The following NEB variants were observed in gnomAD, a reference collection of about 807,000 sequenced individuals.
The protein encoded by NEB is nebulin.
Under a neutral mutation model 952.2 loss-of-function variants are expected in NEB, and 512 were observed. The observed-to-expected ratio is 0.54, with a 90% confidence interval of 0.50 to 0.58. The LOEUF (loss-of-function observed/expected upper bound fraction) is 0.58, where lower values mean the gene tolerates loss of function less well. NEB is among the 20% of genes least tolerant of loss of function. NEB has a pLI of 0.00. For synonymous variants in NEB, 2,900 were observed against 3,149.8 expected (o/e 0.92, Z 2.66); for missense variants, 8,428 against 9,231.1 (o/e 0.91, Z 3.56).
intron 142 of NEB, among the ~76,000 whole-genome samples, chr2:151,534,582 A>G (rs141716857): frequency 6.6e-6 from 1 of 152,340 alleles, no homozygotes; most frequent in Non-Finnish European, 1.5e-5. Context: ...TTTGCATATG[A>G]TGCCATTAAC....
intron 95 of NEB, among the ~76,000 whole-genome samples, chr2:151,591,719 T>C (rs7592236): frequency 0.027 from 4,014 of 150,708 alleles, 3 homozygotes; most frequent in African/African-American, 0.093. Context: ...AAAAACATAT[T>C]GCTTGGCTTT....
chr2:151,501,293 G>T, intron 168 of NEB, 98 bp downstream of exon 168: 1 of 803,550 alleles, frequency 1.2e-6, no homozygotes, highest in East Asian at 2.8e-5. Context: ...AAAAGATTTT[G>T]TTAAATTGAT....
In NEB at chr2:151,527,463, G is replaced by A; in HGVS notation, c.21840+18C>T. On this transcript the variant is annotated intron_variant, in intron 147 of 181. Transcript: ENST00000397345. The stretch of plus-strand genomic sequence containing the variant: ...GTGCAGTATGCAGTTACAATCGTCT[G>A]TGTCTCTCCTGTCTTACATCGCTTT... 1 of 1,580,740 alleles carries A rather than the reference G, an allele frequency of 6.3e-7. No individual in the cohort carries two copies. The highest frequency in any genetic ancestry group is 8.7e-7 in the Non-Finnish European group (1 of 1,153,000).
At chr2:151,721,357 A>G (rs960092359) in intron 9 of NEB, among the ~76,000 whole-genome samples, 2 of 152,118 alleles carry the variant, frequency 1.3e-5, no homozygotes, top group Admixed American at 1.3e-4. Context: ...TGCTGCCGGC[A>G]TTCTCACAAG....
At chr2:151,496,561 A>C (rs1363335063) in intron 172 of NEB, among the ~76,000 whole-genome samples, 193 bp from the exon 173 acceptor site, 2 of 152,188 alleles carry the variant, frequency 1.3e-5, no homozygotes, top group African/African-American at 4.8e-5. Flanking sequence ...CACCCTCTAG[A>C]GAAGCAGGGA....
chr2:151,699,068 T>A (rs1232089128), intron 13 of NEB, among the ~76,000 whole-genome samples: 29 of 143,486 alleles, frequency 2.0e-4, no homozygotes, highest in African/African-American at 6.8e-4. Flanking sequence ...TGTGTCCATG[T>A]GATCTCATTG....
At chr2:151,611,156 A>G (rs1395566492) in intron 78 of NEB, among the ~76,000 whole-genome samples, 2 of 152,186 alleles carry the variant, frequency 1.3e-5, no homozygotes, top group Non-Finnish European at 2.9e-5. Context: ...CAGATATCCA[A>G]AGATGGATCT....
chr2:151,492,055 C>G, intron 178 of NEB, 43 bp downstream of exon 178: 1 of 1,584,538 alleles, frequency 6.3e-7, no homozygotes. Flanking sequence ...CTTCTACCCC[C>G]TCACTTAAAG....
intron 131 of NEB, 150 bp downstream of exon 131, chr2:151,548,158 T>C (rs1490023733): frequency 5.9e-6 from 4 of 679,274 alleles, no homozygotes; most frequent in Non-Finnish European, 1.0e-5. Context: ...CCAAGAAATA[T>C]CAGTATCAAA....
rs184262608 is a variant in NEB, at chr2:151,659,071, C to T, written c.6069G>A (p.Met2023Ile). 13,185 of 1,596,242 alleles carry T rather than the reference C, an allele frequency of 8.3e-3. 74 individuals carry two copies. The highest frequency in any genetic ancestry group is 0.01 in the Non-Finnish European group (11,673 of 1,163,858). Residue 2023 changes from methionine (M) to isoleucine (I), a missense_variant, in exon 47 of 182, where the codon ATG becomes ATA. Transcript: ENST00000397345. The part of the protein sequence containing the change: ...IILAKANAIN[M>I]SDKLYKLSLE... ...CAGGGGGAACTATACTTACATCACT[C>T]ATATTAATTGCATTTGCCTTTGCCA...
intron 124 of NEB, among the ~76,000 whole-genome samples, chr2:151,559,761 AG>A (rs2095900827): frequency 6.6e-6 from 1 of 152,136 alleles, no homozygotes; most frequent in African/African-American, 2.4e-5. Flanking sequence ...GGACACAGGG[AG>A]GGGAACATCA....
chr2:151,507,421 T>G (rs1156482672), intron 162 of NEB, among the ~76,000 whole-genome samples: 2 of 152,216 alleles, frequency 1.3e-5, no homozygotes, highest in East Asian at 1.9e-4. Context: ...CTCTGTTTTT[T>G]CCTGAAGCAG....
At chr2:151,672,771 G>C in intron 36 of NEB, 91 bp from the exon 37 acceptor site, 1 of 1,230,726 alleles carries the variant, frequency 8.1e-7, no homozygotes, top group East Asian at 2.3e-5. Flanking sequence ...TCAGAGCTTT[G>C]TGACTTTCTC....
At chr2:151,654,655 A>G (rs976736576) in intron 51 of NEB, among the ~76,000 whole-genome samples, 5 of 152,180 alleles carry the variant, frequency 3.3e-5, no homozygotes, top group African/African-American at 1.2e-4. Flanking sequence ...TGGGCCAGGT[A>G]CTGTATTGAG....
At chr2:151,631,111 T>C (rs769746720) in intron 66 of NEB, 32 bp downstream of exon 66, 3 of 1,609,998 alleles carry the variant, frequency 1.9e-6, no homozygotes, top group African/African-American at 2.7e-5. Context: ...TCTTCTGGCA[T>C]CTTGGAGAAG....
intron 73 of NEB, 66 bp downstream of exon 73, chr2:151,619,385 G>A (rs1573929370): frequency 6.9e-7 from 1 of 1,458,618 alleles, no homozygotes; most frequent in Non-Finnish European, 9.3e-7. Context: ...ATTGGCACTA[G>A]TCAGAACTCA....
rs1553623367 is a variant in NEB, at chr2:151,516,457, A to G, written c.22905+2T>C. ...TTGTGTGGTGTGGTTTTTTTGACTT[A>G]CCCCACTCTGCATCTGCTGAGACTC... On this transcript the variant is annotated splice_donor_variant, in intron 157 of 181. Coordinates refer to ENST00000397345, the MANE Select transcript of NEB (RefSeq NM_001164508.2). LOFTEE classifies it high-confidence loss of function. The G allele has an allele frequency of 1.2e-6, 2 of 1,602,092 alleles. No homozygotes were observed. The highest frequency in any genetic ancestry group is 1.7e-6 in the Non-Finnish European group (2 of 1,170,074).
Position 151,614,263 on chromosome 2 carries a change from T to C in NEB, c.11601+13A>G. ...TTTCTAAACCATTACTGAAGAATAT[T>C]AGAGCCACTCACATCACTCTGCAGG... On this transcript the variant is annotated intron_variant, in intron 77 of 181. Transcript: ENST00000397345. 1 of 1,610,218 alleles carries C rather than the reference T, an allele frequency of 6.2e-7. No homozygotes were observed. The highest frequency in any genetic ancestry group is 8.5e-7 in the Non-Finnish European group (1 of 1,176,786).
chr2:151,646,887 C>A (rs2098966757), intron 54 of NEB, among the ~76,000 whole-genome samples: 1 of 152,130 alleles, frequency 6.6e-6, no homozygotes, highest in African/African-American at 2.4e-5. Context: ...CCACCTCAGC[C>A]TCCCAAAGTG....
Sources: gnomAD v4.1 joint callset for allele counts (sites outside exome capture counted in the v4.1 genomes callset) on GRCh38, gnomAD v4.1.1 for gene constraint, MANE v1.5 for transcripts, NCBI Gene and HGNC (gene_info 2026-07-23, HGNC 2026-07-21) for gene names.